PKHD1L1: variants seen among roughly 807,000 people sequenced by gnomAD.
PKHD1L1 encodes the protein fibrocystin-L.
Under a neutral mutation model 462.9 loss-of-function variants are expected in PKHD1L1, and 434 were observed. The observed-to-expected ratio is 0.94, with a 90% CI of 0.87 to 1.02. The LOEUF (loss-of-function observed/expected upper bound fraction) is 1.02. Ranked by LOEUF, PKHD1L1 falls within the 50% of genes least tolerant of loss-of-function variation. The pLI is 0.00. For synonymous variants in PKHD1L1, 1,781 were observed against 1,750.0 expected, an observed-to-expected ratio of 1.02 and a Z score of -0.44; for missense variants, 5,202 against 5,096.1, an observed-to-expected ratio of 1.02 and a Z score of -0.63.
intron 23 of PKHD1L1, 94 bp downstream of exon 23, chr8:109,420,784 A>G (rs1325135753): frequency 1.0e-6 from 1 of 979,166 alleles, no homozygotes; most frequent in African/African-American, 1.7e-5. Flanking sequence ...TTTAACAGGA[A>G]AAGACAGCTA....
Position 109,438,942 on chromosome 8 carries a change from T to A in PKHD1L1, c.3806T>A (p.Leu1269His). ...TIKGYNFGNE[L>H]TQNMAVYVGG... ...AAGGGCTATAATTTTGGAAATGAACTCACACAAAACATGGCGGTGTATGTT... is the reference window on the plus strand; with the variant it reads ...AAGGGCTATAATTTTGGAAATGAACACACACAAAACATGGCGGTGTATGTT... The change falls in exon 32 of 78, where the codon CTC (leucine) becomes CAC (histidine). Residue 1269 changes from leucine to histidine, a missense_variant. Around this residue, in one of 3 missense-constraint regions of PKHD1L1, gnomAD observed 4,497 missense variants for 4,336.8 expected, o/e 1.04. Coordinates refer to ENST00000378402, the MANE Select transcript of PKHD1L1 (RefSeq NM_177531.6). The A allele has an allele frequency of 6.2e-7, 1 of 1,613,190 alleles. No individual in the cohort carries two copies. Among genetic ancestry groups the A allele is most frequent in the South Asian group, 1.1e-5 (1 of 90,928 alleles).
intron 50 of PKHD1L1, among the ~76,000 whole-genome samples, chr8:109,472,952 T>C (rs974773399): frequency 2.6e-5 from 4 of 152,154 alleles, no homozygotes; most frequent in African/African-American, 4.8e-5. Context: ...TCATGCATGA[T>C]GGTATATCTT....
At chr8:109,370,763 G>GT (rs939967032) in intron 2 of PKHD1L1, among the ~76,000 whole-genome samples, 3 of 152,072 alleles carry the variant, frequency 2.0e-5, no homozygotes, top group Admixed American at 6.5e-5. Context: ...GTGGTGTTTG[G>GT]TTTTTTGTCC....
Position 109,533,273 on chromosome 8 carries a change from A to T in PKHD1L1, c.*3183A>T, listed in dbSNP as rs1350868206. On this transcript the variant is annotated 3_prime_UTR_variant, in exon 78 of 78. Coordinates refer to ENST00000378402, the MANE Select transcript of PKHD1L1 (RefSeq NM_177531.6). ...CAGTTTCTTCAACTGTAAAATGTGG[A>T]AAGTGTGACATCTGAAGACTGATGG... is the stretch of plus-strand genomic sequence containing the variant. Among the ~76,000 whole-genome samples the T allele has an allele frequency of 6.6e-6, 1 of 152,256 alleles. No homozygotes were observed. Among genetic ancestry groups the T allele is most frequent in the Non-Finnish European group, 1.5e-5 (1 of 68,048 alleles).
chr8:109,493,845 A>T, intron 63 of PKHD1L1, 94 bp downstream of exon 63: 2 of 718,838 alleles, frequency 2.8e-6, no homozygotes, highest in Non-Finnish European at 4.2e-6. Context: ...TCAATATGTG[A>T]TGTCTTTTCC....
chr8:109,451,170 C>T lies in PKHD1L1; in HGVS notation c.6350+21C>T, dbSNP rs143167281. On this transcript the variant is annotated intron_variant, in intron 41 of 77. Transcript: ENST00000378402. ...TTCAGGTACTGTCTCCACACAAACA[C>T]GCATCATTGTGCATTTCCAGACTTG... 2.0e-5 allele frequency: 32 copies of T among 1,578,844 alleles called. No homozygotes were observed. The Middle Eastern group carries it at 8.1e-4, about 40-fold the overall frequency.
intron 39 of PKHD1L1, 21 bp from the exon 40 acceptor site, chr8:109,449,317 C>T (rs575881154): frequency 7.1e-6 from 11 of 1,540,188 alleles, no homozygotes; most frequent in Admixed American, 4.1e-5. Context: ...TTTGTTTTTC[C>T]TTTTTATTTG....
Position 109,405,072 on chromosome 8 carries a change from G to A in PKHD1L1, c.1611G>A (p.Val537=), listed in dbSNP as rs758152416. The stretch of plus-strand genomic sequence containing the variant: ...AGATCAAGGTAACCAGCCCATGTGT[G>A]GAAGCTAATTCATGTTCACTTTACC... ...VQKIKVTSPC[V]EANSCSLYQY... The change falls in exon 16 of 78, where the codon GTG becomes GTA. Residue 537 remains valine (V), a synonymous_variant. Coordinates refer to ENST00000378402, the MANE Select transcript of PKHD1L1 (RefSeq NM_177531.6). The A allele has an allele frequency of 1.7e-5, 26 of 1,523,268 alleles. No homozygotes were observed. The highest frequency in any genetic ancestry group is 2.1e-5 in the Non-Finnish European group (24 of 1,120,400). The allele number at this position is 1,523,268 out of a possible 1,614,324, so 94.4% of individuals were successfully genotyped here. A position where few individuals can be genotyped will look rare whatever the true frequency, so the allele number is the denominator to read the frequency against.
chr8:109,408,938 G>A (rs1207126326), intron 18 of PKHD1L1, among the ~76,000 whole-genome samples: 1 of 152,180 alleles, frequency 6.6e-6, no homozygotes, highest in Non-Finnish European at 1.5e-5. Context: ...GGAAAGGGAA[G>A]ATCTTAGGTC....
Position 109,465,084 on chromosome 8 carries a change from G to T in PKHD1L1, c.8252G>T (p.Cys2751Phe). ...VHFMNFDRPNCVALGVTSISG... is the reference protein window; with the variant it reads ...VHFMNFDRPNFVALGVTSISG... ...TTTATGAACTTTGACCGTCCCAACT[G>T]TGTAGCTTTGGGAGTGACATCCATC... The change falls in exon 49 of 78, where the codon TGT (cysteine) becomes TTT (phenylalanine). Residue 2751 changes from cysteine (C) to phenylalanine (F), a missense_variant. Cys to Phe is a radical substitution (Grantham distance 205, BLOSUM62 -2). Transcript: ENST00000378402. The T allele has an allele frequency of 6.2e-7, 1 of 1,613,820 alleles. No homozygotes were observed. Among genetic ancestry groups the T allele is most frequent in the South Asian group, 1.1e-5 (1 of 91,084 alleles).
chr8:109,369,931 G>A (rs1352030712), intron 2 of PKHD1L1, among the ~76,000 whole-genome samples: 8 of 152,088 alleles, frequency 5.3e-5, no homozygotes, highest in Admixed American at 5.2e-4. Flanking sequence ...TGCCGGATGA[G>A]TTATTTGGTT....
chr8:109,385,745 G>GTT, intron 6 of PKHD1L1, 115 bp downstream of exon 6: 61 of 479,528 alleles, frequency 1.3e-4, no homozygotes, highest in South Asian at 2.6e-4. Flanking sequence ...ACTAACCAGT[G>GTT]TTTTTTTTTT....
intron 6 of PKHD1L1, among the ~76,000 whole-genome samples, chr8:109,387,091 A>G (rs1005987459): frequency 2.0e-5 from 3 of 152,174 alleles, no homozygotes; most frequent in East Asian, 1.9e-4. Flanking sequence ...AGGGCTCCCA[A>G]GGCAATTTAT....
Position 109,530,187 on chromosome 8 carries a change from A to ATTTT in PKHD1L1, c.*98_*99insTTTT. 2 of 643,480 alleles carry ATTTT rather than the reference A, an allele frequency of 3.1e-6. No homozygotes were observed. Among genetic ancestry groups the ATTTT allele is most frequent in the Non-Finnish European group, 4.6e-6 (2 of 435,982 alleles). 39.9% of individuals were successfully genotyped at this position (643,480 alleles called of 1,614,324 possible). A position where few individuals can be genotyped will look rare whatever the true frequency, so the allele number is the denominator to read the frequency against. ...AAGTCTATAGCATTTTCATGAAAAT[A>ATTTT]TACTAAAAATATTTTTATGATATAT... On this transcript the variant is annotated 3_prime_UTR_variant, in exon 78 of 78. Coordinates refer to ENST00000378402, the MANE Select transcript of PKHD1L1 (RefSeq NM_177531.6).
Position 109,526,978 on chromosome 8 carries a change from G to A in PKHD1L1, c.12679G>A (p.Glu4227Lys). ...SCLVGRMWLL[E>K]IFMAAVSTLN... ...TCTGGTTGGAAGAATGTGGCTCTTG[G>A]AAATATTTATGGCTGCAGTTTCAAC... is the stretch of plus-strand genomic sequence containing the variant. Residue 4227 changes from glutamate (E) to lysine (K), a missense_variant, in exon 77 of 78, where the codon GAA becomes AAA. Coordinates refer to ENST00000378402, the MANE Select transcript of PKHD1L1 (RefSeq NM_177531.6). 1 of 1,613,638 alleles carries A rather than the reference G, an allele frequency of 6.2e-7. No homozygotes were observed. The highest frequency in any genetic ancestry group is 1.1e-5 in the South Asian group (1 of 91,062).
At chr8:109,412,178 T>A in intron 19 of PKHD1L1, 87 bp from the exon 20 acceptor site, 1 of 1,377,756 alleles carries the variant, frequency 7.3e-7, no homozygotes, top group East Asian at 2.3e-5. Context: ...GGATCTGGGT[T>A]GAACCTTGAG....
chr8:109,399,227 G>A (rs961232520), intron 12 of PKHD1L1, among the ~76,000 whole-genome samples: 5 of 152,076 alleles, frequency 3.3e-5, no homozygotes, highest in African/African-American at 9.7e-5. Context: ...AAATAATTTT[G>A]ATAATTTATA....
chr8:109,448,329 C>G lies in PKHD1L1; in HGVS notation c.5963C>G (p.Ser1988Ter), dbSNP rs906502880. The change falls in exon 39 of 78, where the codon TCA becomes TGA. Residue 1988 changes from serine to a stop codon, truncating the protein, a stop_gained. Coordinates refer to ENST00000378402, the MANE Select transcript of PKHD1L1 (RefSeq NM_177531.6). LOFTEE classifies it high-confidence loss of function. Reference protein sequence around the residue: ...PVMMHHKTKGSAMSTVVFEYP... With the variant: ...PVMMHHKTKG ...ATGATGCATCATAAGACAAAAGGCT[C>G]AGCCATGTCCACAGTTGTATTTGAG... The G allele has an allele frequency of 1.9e-6, 3 of 1,613,404 alleles. No homozygotes were observed. In the African/African-American group the frequency reaches 4.0e-5, roughly 22 times the overall value.
intron 68 of PKHD1L1, among the ~76,000 whole-genome samples, chr8:109,505,827 C>T (rs1240248998): frequency 1.3e-5 from 2 of 152,140 alleles, no homozygotes; most frequent in African/African-American, 4.8e-5. Flanking sequence ...ATTGCTTGAG[C>T]CCAGGAGGTT....
Sources: allele counts gnomAD v4.1 joint callset (sites outside exome capture counted in the v4.1 genomes callset), GRCh38; gene constraint gnomAD v4.1.1; regional missense constraint gnomAD v4.1.1; transcripts MANE v1.5; gene names NCBI Gene and HGNC (gene_info 2026-07-23, HGNC 2026-07-21).